Variants in SLAMF1 observed in about 807,000 individuals in gnomAD.
SLAMF1 encodes the protein signaling lymphocytic activation molecule.
In SLAMF1, 18 loss-of-function variants were observed where a neutral mutation model predicts 35.1. The ratio of observed to expected loss-of-function variants is 0.51; its 90% CI spans 0.35 to 0.76. The LOEUF is 0.76. SLAMF1 is among the 30% of genes least tolerant of loss of function. SLAMF1 has a pLI of 0.01. For missense variants in SLAMF1, 392 were observed against 413.0 expected (o/e 0.95, Z 0.44); for synonymous variants, 168 against 157.2 (o/e 1.07, Z -0.51).
chr1:160,619,072 A>G (rs1659467293), intron 5 of SLAMF1, among the ~76,000 whole-genome samples: 1 of 152,176 alleles, frequency 6.6e-6, no homozygotes, highest in Admixed American at 6.5e-5. Context: ...CCTTTACTCA[A>G]GAATTTGCCT....
chr1:160,637,934 T>C (rs7527021), intron 1 of SLAMF1, among the ~76,000 whole-genome samples: 27,464 of 151,898 alleles, frequency 0.18, 2,586 homozygotes, highest in South Asian at 0.24. Flanking sequence ...GGATGAAGGA[T>C]GGAGAGCAAA....
rs777495856 is a variant in SLAMF1 at position 160,619,886 on chromosome 1, G to T, written c.791-37C>A. 5.7e-6 allele frequency: 8 copies of T among 1,394,256 alleles called. No individual in the cohort carries two copies. In the Admixed American group the frequency reaches 1.0e-4, roughly 18 times the overall value. 86.4% of individuals were successfully genotyped at this position (1,394,256 alleles called of 1,614,324 possible). ...AAACCATAATGGTTATCTCCCTCTG[G>T]TCCCCAGCAGGAGCTCCTTACTCAG... On this transcript the variant is annotated intron_variant, in intron 4 of 6. Transcript: ENST00000302035.
At chr1:160,623,362 A>AT (rs1449563886) in intron 4 of SLAMF1, 2 of 391,122 alleles carry the variant, frequency 5.1e-6, no homozygotes, top group Non-Finnish European at 9.0e-6. Flanking sequence ...TATGATCTAG[A>AT]TTTTTTTATA....
intron 4 of SLAMF1, among the ~76,000 whole-genome samples, chr1:160,623,889 T>G (rs1659741262): frequency 6.6e-6 from 1 of 152,202 alleles, no homozygotes; most frequent in Non-Finnish European, 1.5e-5. Flanking sequence ...GCTCTTCTAT[T>G]TCTTTCCACA....
intron 2 of SLAMF1, among the ~76,000 whole-genome samples, chr1:160,635,102 A>C (rs1415974034): frequency 3.3e-5 from 5 of 152,220 alleles, no homozygotes; most frequent in African/African-American, 1.2e-4. Context: ...TAAAATAGAA[A>C]ATAAGAATTT....
chr1:160,645,989 C>T (rs1037491316), intron 1 of SLAMF1, among the ~76,000 whole-genome samples: 4 of 152,172 alleles, frequency 2.6e-5, no homozygotes, highest in African/African-American at 9.7e-5. Context: ...ACAGTCTAAA[C>T]AAATAAGCAG....
At position 160,637,376 on chromosome 1, in the gene SLAMF1, T is replaced by C; in HGVS notation, c.230A>G (p.Lys77Arg). Residue 77 changes from lysine (K) to arginine (R), a missense_variant, in exon 2 of 7, where the codon AAA becomes AGA. By Grantham distance (26) the Lys-to-Arg change is conservative. Coordinates refer to ENST00000302035, the MANE Select transcript of SLAMF1 (RefSeq NM_003037.5). ...AKSLENSVEN[K>R]IVSLDPSEAG... ...TTCGGATGGATCAAGAGACACTATT[T>C]TGTTCTCGACACTGTTCTCCAGTGA... 6.2e-7 allele frequency: 1 copy of C among 1,614,140 alleles called. No individual in the cohort carries two copies. Among genetic ancestry groups the C allele is most frequent in the Non-Finnish European group, 8.5e-7 (1 of 1,180,018 alleles).
At chr1:160,620,807 A>T (rs1223249880) in intron 4 of SLAMF1, among the ~76,000 whole-genome samples, 2 of 152,242 alleles carry the variant, frequency 1.3e-5, no homozygotes, top group African/African-American at 2.4e-5. Context: ...TGTCTAATAC[A>T]GCTTACAGAC....
Position 160,642,747 on chromosome 1 carries a change from C to G in SLAMF1, c.76+4123G>C, listed in dbSNP as rs896304424. Reference sequence around the variant, plus strand: ...ATTATGGAAGAAAGTGGTGGGGACCCTTTTCCCCACTTGCCAGCTGAGGAC... The same window carrying G: ...ATTATGGAAGAAAGTGGTGGGGACCGTTTTCCCCACTTGCCAGCTGAGGAC... On this transcript the variant is annotated intron_variant, in intron 1 of 6. Coordinates refer to ENST00000302035, the MANE Select transcript of SLAMF1 (RefSeq NM_003037.5). This position sits in a 1 kb window ranked among gnomAD's most constrained non-coding sequence, Gnocchi z 4.2. Among the ~76,000 whole-genome samples the G allele has an allele frequency of 1.3e-4, 20 of 152,232 alleles. No homozygotes were observed. Among genetic ancestry groups the G allele is most frequent in the African/African-American group, 4.8e-4 (20 of 41,534 alleles).
intron 3 of SLAMF1, among the ~76,000 whole-genome samples, chr1:160,627,075 T>C (rs1483675166): frequency 2.0e-5 from 3 of 152,204 alleles, no homozygotes. Context: ...AGTGATGGTA[T>C]TTGGAGCCAG....
Position 160,642,746 on chromosome 1 carries a change from C to T in SLAMF1, c.76+4124G>A, listed in dbSNP as rs1376766147. Among the ~76,000 whole-genome samples, 1 of 152,114 alleles carries T rather than the reference C, an allele frequency of 6.6e-6. No homozygotes were observed. Among genetic ancestry groups the T allele is most frequent in the Non-Finnish European group, 1.5e-5 (1 of 68,004 alleles). On this transcript the variant is annotated intron_variant, in intron 1 of 6. Transcript: ENST00000302035. This position sits in a 1 kb window ranked among gnomAD's most constrained non-coding sequence, Gnocchi z 4.2. ...TATTATGGAAGAAAGTGGTGGGGAC[C>T]CTTTTCCCCACTTGCCAGCTGAGGA... is the stretch of plus-strand genomic sequence containing the variant.
rs767453808 is a variant in SLAMF1 at position 160,618,742 on chromosome 1, T to C, written c.864+1034A>G. Among the ~76,000 whole-genome samples, 12 of 152,278 alleles carry C rather than the reference T, an allele frequency of 7.9e-5. No individual in the cohort carries two copies. The Middle Eastern group carries it at 0.01, about 129-fold the overall frequency. ...GGCTAGTGACTACCATATGTCATGC[T>C]TCACAGTAAAAAAGAGGGATGCTAG... On this transcript the variant is annotated intron_variant, in intron 5 of 6. Coordinates refer to ENST00000302035, the MANE Select transcript of SLAMF1 (RefSeq NM_003037.5).
intron 5 of SLAMF1, among the ~76,000 whole-genome samples, chr1:160,613,465 GGACAAA>G (rs1659111623): frequency 6.6e-6 from 1 of 152,128 alleles, no homozygotes; most frequent in Non-Finnish European, 1.5e-5. Context: ...CACAATTCCT[GGACAAA>G]GACCTCAAAA....
At chr1:160,625,554 G>A (rs1222160659) in intron 3 of SLAMF1, among the ~76,000 whole-genome samples, 1 of 152,118 alleles carries the variant, frequency 6.6e-6, no homozygotes, top group East Asian at 1.9e-4. Flanking sequence ...TTCTCCTTAG[G>A]CCTTTCACAC....
In SLAMF1 at chr1:160,637,224, C is replaced by T. The variant is rs1309640846; in HGVS notation, c.382G>A (p.Val128Ile). The stretch of plus-strand genomic sequence containing the variant: ...CTCAACTGCAGGCAAAAGCGCTGAA[C>T]TGAAACATTTTTCTCCAGGGTCATA... ...YLMTLEKNVSVQRFCLQLRLY... is the reference protein window; with the variant it reads ...YLMTLEKNVSIQRFCLQLRLY... The change falls in exon 2 of 7, where the codon GTT (valine) becomes ATT (isoleucine). Residue 128 changes from valine (V) to isoleucine (I), a missense_variant. Physicochemically the swap from Val to Ile is conservative, Grantham distance 29. Transcript: ENST00000302035. 1 of 1,614,134 alleles carries T rather than the reference C, an allele frequency of 6.2e-7. No individual in the cohort carries two copies. Among genetic ancestry groups the T allele is most frequent in the East Asian group, 2.2e-5 (1 of 44,878 alleles).
At chr1:160,625,847 G>GTA (rs71574361) in intron 3 of SLAMF1, among the ~76,000 whole-genome samples, 2,935 of 148,200 alleles carry the variant, frequency 0.02, 44 homozygotes, top group African/African-American at 0.046. Context: ...GTGTGTGTGT[G>GTA]TGTGTGTATG....
At chr1:160,640,346 A>ATATATATATG (rs1558015783) in intron 1 of SLAMF1, among the ~76,000 whole-genome samples, 4 of 140,426 alleles carry the variant, frequency 2.8e-5, no homozygotes, top group Non-Finnish European at 4.6e-5. Context: ...ATATATATAT[A>ATATATATATG]TATATATATA....
Position 160,646,935 on chromosome 1 carries a change from T to A in SLAMF1, c.11A>T (p.Lys4Met). Residue 4 changes from lysine to methionine, a missense_variant, in exon 1 of 7, where the codon AAG (lysine) becomes ATG (methionine). Lys to Met is a moderately conservative substitution (Grantham distance 95). Coordinates refer to ENST00000302035, the MANE Select transcript of SLAMF1 (RefSeq NM_003037.5). MDPKGLLSLTFVLF... is the reference protein window; with the variant it reads MDPMGLLSLTFVLF... ...CACGAAGGTCAAGGAGAGGAGCCCC[T>A]TGGGATCCATCAGCCAATGAGGAGA... 6.3e-7 allele frequency: 1 copy of A among 1,598,354 alleles called. No homozygotes were observed. Among genetic ancestry groups the A allele is most frequent in the Non-Finnish European group, 8.6e-7 (1 of 1,166,636 alleles).
At chr1:160,634,390 A>C (rs1660316745) in intron 3 of SLAMF1, 1 of 984,496 alleles carries the variant, frequency 1.0e-6, no homozygotes, top group African/African-American at 1.7e-5. Context: ...TGTCTCTATC[A>C]CCTCCTGTTG....
Sources: gnomAD v4.1 joint callset for allele counts (sites outside exome capture counted in the v4.1 genomes callset) on GRCh38, gnomAD v4.1.1 for gene constraint, Gnocchi (gnomAD v3.1) non-coding constraint, MANE v1.5 for transcripts, NCBI Gene and HGNC (gene_info 2026-07-23, HGNC 2026-07-21) for gene names.